The following CADPS variants were observed in gnomAD, a reference collection of about 807,000 sequenced individuals.
CADPS encodes calcium-dependent secretion activator 1.
Under a neutral mutation model 167.3 loss-of-function variants are expected in CADPS, and 57 were observed. That is an observed-to-expected ratio of 0.34 (90% CI 0.28 to 0.42). CADPS has a LOEUF of 0.42. CADPS is among the 20% of genes least tolerant of loss of function. The probability of loss-of-function intolerance (pLI) is 1.00; values close to 1 mark genes in which losing one functional copy is unlikely to be tolerated. For missense variants in CADPS, 1,414 were observed against 1,738.1 expected (o/e 0.81, Z 3.32); for synonymous variants, 676 against 635.3 (o/e 1.06, Z -0.96).
intron 1 of CADPS, among the ~76,000 whole-genome samples, chr3:62,820,003 T>A (rs971612940): frequency 6.9e-6 from 1 of 145,766 alleles, no homozygotes; most frequent in African/African-American, 2.5e-5. Context: ...TGAGGATAGT[T>A]GGGGACCTCA....
intron 1 of CADPS, among the ~76,000 whole-genome samples, chr3:62,855,434 C>A (rs181052208): frequency 2.0e-5 from 3 of 151,802 alleles, no homozygotes; most frequent in Non-Finnish European, 2.9e-5. Context: ...GTTATCATGC[C>A]ATGATTAGTA....
chr3:62,651,660 AG>A lies in CADPS; in HGVS notation c.970-581del, dbSNP rs368499851. ...GTGATTAAAATTCTTTAGAAGATAG[AG>A]CAATTTGGTATCATAACTGACCTCT... On this transcript the variant is annotated intron_variant, in intron 4 of 29. Coordinates refer to ENST00000383710, the MANE Select transcript of CADPS (RefSeq NM_003716.4). Among the ~76,000 whole-genome samples, 511 of 152,320 alleles carry A rather than the reference AG, an allele frequency of 3.4e-3. 1 individual carries two copies. The highest frequency in any genetic ancestry group is 0.011 in the African/African-American group (458 of 41,566).
chr3:62,407,467 T>C (rs1052354056), intron 28 of CADPS, among the ~76,000 whole-genome samples: 12 of 152,176 alleles, frequency 7.9e-5, no homozygotes, highest in African/African-American at 9.7e-5. Context: ...GAATGAGTGA[T>C]TTCTCAAACC....
At chr3:62,721,920 C>T (rs550025) in intron 3 of CADPS, among the ~76,000 whole-genome samples, 33,156 of 151,984 alleles carry the variant, frequency 0.22, 3,975 homozygotes, top group African/African-American at 0.3. Flanking sequence ...AGTCTGGGTT[C>T]AAAACATGAT....
chr3:62,673,574 G>A (rs1326051826), intron 3 of CADPS, among the ~76,000 whole-genome samples: 1 of 152,146 alleles, frequency 6.6e-6, no homozygotes, highest in African/African-American at 2.4e-5. Context: ...TGAACTGTGA[G>A]AGCAGGATAA....
rs989684025 is a variant in CADPS, at chr3:62,874,275, C to A, written c.441+314G>T. On this transcript the variant is annotated intron_variant, in intron 1 of 29. Coordinates refer to ENST00000383710, the MANE Select transcript of CADPS (RefSeq NM_003716.4). The surrounding 1 kb of genome is among the most constrained non-coding windows in gnomAD (Gnocchi z 7.1). ...GCGCCGCGGGCAGCAAATCACTCCCCGAGCCTCTCGGTCCACAAAGCGGGA... is the reference window on the plus strand; with the variant it reads ...GCGCCGCGGGCAGCAAATCACTCCCAGAGCCTCTCGGTCCACAAAGCGGGA... Among the ~76,000 whole-genome samples the A allele has an allele frequency of 1.3e-5, 2 of 152,132 alleles. No homozygotes were observed. Among genetic ancestry groups the A allele is most frequent in the Non-Finnish European group, 1.5e-5 (1 of 68,002 alleles).
Position 62,518,162 on chromosome 3 carries a change from T to A in CADPS, c.2380A>T (p.Ile794Phe), listed in dbSNP as rs1383473233. The change falls in exon 14 of 30, where the codon ATT (isoleucine) becomes TTT (phenylalanine). Residue 794 changes from isoleucine to phenylalanine, a missense_variant. Physicochemically the swap from Ile to Phe is conservative, Grantham distance 21. Coordinates refer to ENST00000383710, the MANE Select transcript of CADPS (RefSeq NM_003716.4). ...CCAGATCCTTACCTAAAATGTGTAA[T>A]CTGATTTTCTAGCAGAACTCGGAGC... is the stretch of plus-strand genomic sequence containing the variant. ...ERLRVLLENQITHFRYCFPFG... is the reference protein window; with the variant it reads ...ERLRVLLENQFTHFRYCFPFG... 6.2e-7 allele frequency: 1 copy of A among 1,611,512 alleles called. No homozygotes were observed. Among genetic ancestry groups the A allele is most frequent in the Admixed American group, 1.7e-5 (1 of 59,970 alleles).
At position 62,533,017 on chromosome 3, in the gene CADPS, A is replaced by G; in HGVS notation, c.2145T>C (p.Tyr715=). 1.9e-6 allele frequency: 3 copies of G among 1,613,788 alleles called. No homozygotes were observed. The highest frequency in any genetic ancestry group is 8.5e-7 in the Non-Finnish European group (1 of 1,179,806). Reference sequence around the variant, plus strand: ...ACCCCCGGACTCCATTTCGGGCGCAATACTCGTCTAGTACAAACACCTGGC... The same window carrying G: ...ACCCCCGGACTCCATTTCGGGCGCAGTACTCGTCTAGTACAAACACCTGGC... The part of the protein sequence containing the change: ...SPGQVFVLDE[Y]CARNGVRGCH... Residue 715 remains tyrosine (Y), a synonymous_variant, in exon 13 of 30, where the codon TAT becomes TAC. Coordinates refer to ENST00000383710, the MANE Select transcript of CADPS (RefSeq NM_003716.4).
chr3:62,537,957 C>T (rs575308457), intron 11 of CADPS, among the ~76,000 whole-genome samples: 4 of 152,220 alleles, frequency 2.6e-5, no homozygotes, highest in Admixed American at 2.6e-4. Context: ...CTTGTTTGAA[C>T]GAGATGTGGC....
At chr3:62,624,000 G>C (rs2063596678) in intron 6 of CADPS, among the ~76,000 whole-genome samples, 1 of 151,782 alleles carries the variant, frequency 6.6e-6, no homozygotes, top group Admixed American at 6.6e-5. Flanking sequence ...TCAGTTTATA[G>C]TTATAGATTT....
At position 62,874,581 on chromosome 3, in the gene CADPS, G is replaced by T. The variant is rs770557343; in HGVS notation, c.441+8C>A. 2.6e-5 allele frequency: 40 copies of T among 1,543,202 alleles called. No homozygotes were observed. The highest frequency in any genetic ancestry group is 3.2e-5 in the Non-Finnish European group (36 of 1,142,476). On this transcript the variant is annotated splice_region_variant and intron_variant, in intron 1 of 29. Coordinates refer to ENST00000383710, the MANE Select transcript of CADPS (RefSeq NM_003716.4). The surrounding 1 kb of genome is among the most constrained non-coding windows in gnomAD (Gnocchi z 7.1). Reference sequence around the variant, plus strand: ...GTGCTGCTCCCTGGGCCTCCCAGGCGCACCTACCTTCTGCTGCCGGCGAGC... The same window carrying T: ...GTGCTGCTCCCTGGGCCTCCCAGGCTCACCTACCTTCTGCTGCCGGCGAGC...
At chr3:62,631,193 A>T (rs4146662) in intron 6 of CADPS, among the ~76,000 whole-genome samples, 53,454 of 151,900 alleles carry the variant, frequency 0.35, 10,015 homozygotes, top group East Asian at 0.64. Flanking sequence ...GCCTGGAAAA[A>T]TTTAGGTGGT....
At chr3:62,475,603 A>AAAC (rs1553787335) in intron 23 of CADPS, among the ~76,000 whole-genome samples, 11 of 149,532 alleles carry the variant, frequency 7.4e-5, no homozygotes, top group African/African-American at 2.7e-4. Context: ...AAAAAAAAAA[A>AAAC]AAAAAAAAAC....
chr3:62,464,166 T>C (rs920728145), intron 26 of CADPS, among the ~76,000 whole-genome samples: 8 of 152,252 alleles, frequency 5.3e-5, no homozygotes, highest in African/African-American at 1.9e-4. Flanking sequence ...GGGAACATAT[T>C]ATCTGCCCTG....
chr3:62,493,690 A>G, intron 18 of CADPS, 25 bp from the exon 19 acceptor site: 1 of 1,552,422 alleles, frequency 6.4e-7, no homozygotes, highest in Non-Finnish European at 8.7e-7. Flanking sequence ...AAATGAAAAA[A>G]ATCAAGTCAT....
At chr3:62,675,404 G>A (rs1049679529) in intron 3 of CADPS, among the ~76,000 whole-genome samples, 4 of 152,014 alleles carry the variant, frequency 2.6e-5, no homozygotes, top group African/African-American at 9.7e-5. Context: ...AGTTTACCTG[G>A]CCTATGTGGA....
At chr3:62,706,603 T>A (rs2082347198) in intron 3 of CADPS, among the ~76,000 whole-genome samples, 2 of 152,082 alleles carry the variant, frequency 1.3e-5, no homozygotes, top group Admixed American at 1.3e-4. Context: ...GAGAGTCTGT[T>A]CTGGGCCTCT....
At chr3:62,870,121 T>G (rs1043841594) in intron 1 of CADPS, among the ~76,000 whole-genome samples, 3 of 152,140 alleles carry the variant, frequency 2.0e-5, no homozygotes, top group Non-Finnish European at 4.4e-5. Flanking sequence ...GGCTTCCCAA[T>G]GTACCAAGGA....
At chr3:62,403,301 A>G in intron 28 of CADPS, 116 bp from the exon 29 acceptor site, 1 of 692,826 alleles carries the variant, frequency 1.4e-6, no homozygotes, top group East Asian at 2.7e-5. Context: ...CAAAATGGTT[A>G]AAGAGAATTT....
Sources: allele counts gnomAD v4.1 joint callset (sites outside exome capture counted in the v4.1 genomes callset), GRCh38; gene constraint gnomAD v4.1.1; non-coding constraint Gnocchi (gnomAD v3.1); transcripts MANE v1.5; gene names NCBI Gene and HGNC (gene_info 2026-07-23, HGNC 2026-07-21).